DNAH9: variants seen among roughly 807,000 people sequenced by gnomAD.
DNAH9 encodes the protein dynein axonemal heavy chain 9.
In DNAH9, 345 loss-of-function variants were observed where a neutral mutation model predicts 471.6. The ratio of observed to expected loss-of-function variants is 0.73; its 90% CI spans 0.67 to 0.80. The LOEUF (loss-of-function observed/expected upper bound fraction) is 0.80. DNAH9 is among the 30% of genes least tolerant of loss of function. The pLI is 0.00. For missense variants in DNAH9, 5,407 were observed against 5,609.2 expected (o/e 0.96, Z 1.15); for synonymous variants, 2,093 against 2,123.6 (o/e 0.99, Z 0.40).
intron 14 of DNAH9, among the ~76,000 whole-genome samples, chr17:11,660,137 A>G (rs185217676): frequency 3.4e-4 from 52 of 151,982 alleles, no homozygotes; most frequent in Middle Eastern, 6.8e-3. Context: ...CATTCAAGTT[A>G]CTTTAGGGTT....
chr17:11,714,024 A>G (rs1293050202), intron 26 of DNAH9, among the ~76,000 whole-genome samples: 2 of 152,252 alleles, frequency 1.3e-5, no homozygotes, highest in Non-Finnish European at 2.9e-5. Context: ...ATGATGAAGA[A>G]TCTCATAACC....
At chr17:11,704,550 C>A in intron 25 of DNAH9, 108 bp downstream of exon 25, 4 of 995,994 alleles carry the variant, frequency 4.0e-6, no homozygotes, top group Non-Finnish European at 5.8e-6. Context: ...ACTGACCAGA[C>A]AGCTGGGGGA....
rs1306737194 is a variant in DNAH9 at position 11,969,580 on chromosome 17, G to A, written c.*53G>A. 5.5e-6 allele frequency: 8 copies of A among 1,460,006 alleles called. No individual in the cohort carries two copies. The highest frequency in any genetic ancestry group is 1.4e-5 in the African/African-American group (1 of 70,446). The allele number at this position is 1,460,006 out of a possible 1,614,324, so 90.4% of individuals were successfully genotyped here. ...AAAAGCTGGGCTTGGAGGCTGCCTA[G>A]AGGGACAGGTGGGTGAAGGGTCACC... On this transcript the variant is annotated 3_prime_UTR_variant, in exon 69 of 69. Transcript: ENST00000262442.
intron 50 of DNAH9, among the ~76,000 whole-genome samples, chr17:11,855,874 A>G (rs929284728): frequency 6.6e-6 from 1 of 152,208 alleles, no homozygotes; most frequent in Non-Finnish European, 1.5e-5. Context: ...GACCTTTAGA[A>G]AGGTTTCCAA....
At chr17:11,677,450 A>C (rs557437344) in intron 17 of DNAH9, among the ~76,000 whole-genome samples, 2 of 152,244 alleles carry the variant, frequency 1.3e-5, no homozygotes, top group East Asian at 3.9e-4. Context: ...TCTTCTATTA[A>C]TGTAGCTAAA....
intron 14 of DNAH9, among the ~76,000 whole-genome samples, chr17:11,657,807 T>G (rs1429294307): frequency 6.6e-6 from 1 of 151,998 alleles, no homozygotes; most frequent in African/African-American, 2.4e-5. Flanking sequence ...CCTTTTGAAT[T>G]TTTTGGCACC....
At chr17:11,653,076 A>G in intron 14 of DNAH9, 74 bp downstream of exon 14, 1 of 1,500,456 alleles carries the variant, frequency 6.7e-7, no homozygotes, top group Non-Finnish European at 9.1e-7. Context: ...TGGATGAATA[A>G]GTGATTAGGA....
At chr17:11,851,207 T>C (rs1971411887) in intron 49 of DNAH9, among the ~76,000 whole-genome samples, 1 of 152,048 alleles carries the variant, frequency 6.6e-6, no homozygotes, top group African/African-American at 2.4e-5. Context: ...ACCTCCCAAG[T>C]TCAAGTGATT....
intron 32 of DNAH9, among the ~76,000 whole-genome samples, chr17:11,748,147 A>G (rs1388603926): frequency 1.3e-5 from 1 of 75,928 alleles, no homozygotes; most frequent in East Asian, 4.7e-4. Context: ...TACTAAAAAT[A>G]CAAAAAAAAA....
intron 14 of DNAH9, among the ~76,000 whole-genome samples, chr17:11,657,770 G>C (rs2073680426): frequency 6.6e-6 from 1 of 151,824 alleles, no homozygotes; most frequent in Non-Finnish European, 1.5e-5. Flanking sequence ...ACATCTGATT[G>C]TTCCCATACT....
intron 65 of DNAH9, among the ~76,000 whole-genome samples, chr17:11,935,437 G>A (rs970528335): frequency 1.1e-4 from 17 of 148,820 alleles, no homozygotes; most frequent in African/African-American, 4.0e-4. Flanking sequence ...GTGGAATAGC[G>A]CGATCTCGGC....
intron 17 of DNAH9, among the ~76,000 whole-genome samples, chr17:11,672,358 A>G (rs926893772): frequency 6.6e-6 from 1 of 152,144 alleles, no homozygotes; most frequent in Non-Finnish European, 1.5e-5. Context: ...GCTCCAACTG[A>G]AACCTGGCTC....
intron 36 of DNAH9, among the ~76,000 whole-genome samples, chr17:11,766,547 C>T (rs1967943079): frequency 6.6e-6 from 1 of 152,078 alleles, no homozygotes. Context: ...CCACAGTATG[C>T]CAGTAAAGTC....
chr17:11,764,006 C>T (rs550702951), intron 36 of DNAH9, among the ~76,000 whole-genome samples: 8 of 152,284 alleles, frequency 5.3e-5, no homozygotes, highest in Non-Finnish European at 7.3e-5. Context: ...CTTCAGTTTT[C>T]TTAAAAACCT....
intron 49 of DNAH9, among the ~76,000 whole-genome samples, chr17:11,848,484 T>C (rs1971300026): frequency 6.6e-6 from 1 of 151,864 alleles, no homozygotes; most frequent in South Asian, 2.1e-4. Context: ...TGATTGGGAT[T>C]GAAATTTCTG....
At chr17:11,705,305 C>A in intron 26 of DNAH9, 120 bp downstream of exon 26, 1 of 814,796 alleles carries the variant, frequency 1.2e-6, no homozygotes, top group Non-Finnish European at 2.0e-6. Context: ...AGGGAAAGGG[C>A]CTGACTCAAC....
intron 14 of DNAH9, among the ~76,000 whole-genome samples, chr17:11,653,516 T>TACG (rs1412683463): frequency 6.6e-6 from 1 of 152,192 alleles, no homozygotes; most frequent in Non-Finnish European, 1.5e-5. Flanking sequence ...AGGGAAACTT[T>TACG]ACGTCCCATC....
intron 36 of DNAH9, among the ~76,000 whole-genome samples, chr17:11,764,379 G>GT (rs1220994310): frequency 6.6e-6 from 1 of 152,198 alleles, no homozygotes; most frequent in Non-Finnish European, 1.5e-5. Flanking sequence ...TTGTATGACA[G>GT]TTAAGAACAT....
At chr17:11,849,270 G>C (rs1376267684) in intron 49 of DNAH9, among the ~76,000 whole-genome samples, 1 of 152,150 alleles carries the variant, frequency 6.6e-6, no homozygotes, top group African/African-American at 2.4e-5. Flanking sequence ...AGATGGCTAA[G>C]CTACCTCCTG....
Sources: allele counts gnomAD v4.1 joint callset (sites outside exome capture counted in the v4.1 genomes callset), GRCh38; gene constraint gnomAD v4.1.1; transcripts MANE v1.5; gene names NCBI Gene and HGNC (gene_info 2026-07-23, HGNC 2026-07-21).